Variants in TNS1 observed in about 807,000 individuals in gnomAD.
TNS1 encodes tensin-1.
In TNS1, 62 loss-of-function variants were observed where a neutral mutation model predicts 168.6. The observed-to-expected ratio is 0.37, with a 90% CI of 0.30 to 0.45. TNS1 has a LOEUF of 0.45. Among genes scored for constraint, TNS1 ranks in the 20% least tolerant of loss-of-function variants. TNS1 has a pLI of 1.00. For synonymous variants in TNS1, 934 were observed against 933.2 expected (o/e 1.00, Z -0.02); for missense variants, 2,240 against 2,339.4 (o/e 0.96, Z 0.88).
chr2:217,861,367 C>T (rs1948768974), intron 18 of TNS1, among the ~76,000 whole-genome samples: 2 of 152,180 alleles, frequency 1.3e-5, no homozygotes, highest in African/African-American at 4.8e-5. Flanking sequence ...CTGAGCCTGA[C>T]ATACTTTCTG....
chr2:217,941,502 C>T (rs1956909701), intron 3 of TNS1, among the ~76,000 whole-genome samples: 1 of 152,206 alleles, frequency 6.6e-6, no homozygotes, highest in Non-Finnish European at 1.5e-5. Context: ...GGCAGAGCGT[C>T]GGGCTCTTGG....
rs1292840512 is a variant in TNS1 at position 217,944,730 on chromosome 2, A to T, written c.187-24494T>A. The stretch of plus-strand genomic sequence containing the variant: ...CATGCTTCAACTCTCTTTGAAATGG[A>T]TCAAAAAATAAGATGGATTGGCAGA... On this transcript the variant is annotated intron_variant, in intron 3 of 32. Transcript: ENST00000682258. 2.0e-5 allele frequency among the ~76,000 whole-genome samples: 3 copies of T among 152,218 alleles called. No homozygotes were observed. In the East Asian group the frequency reaches 5.8e-4, roughly 29 times the overall value.
chr2:217,817,642 C>A, intron 24 of TNS1, 48 bp downstream of exon 24: 1 of 1,467,622 alleles, frequency 6.8e-7, no homozygotes, highest in Non-Finnish European at 9.3e-7. Flanking sequence ...CACTCTTCTA[C>A]TTACTTCATC....
At chr2:218,009,501 G>T (rs559401187) in intron 1 of TNS1, among the ~76,000 whole-genome samples, 2 of 151,702 alleles carry the variant, frequency 1.3e-5, no homozygotes, top group Non-Finnish European at 2.9e-5. Context: ...AGGTTCCCCA[G>T]ACCCCTGCTC....
intron 18 of TNS1, among the ~76,000 whole-genome samples, chr2:217,863,372 A>C (rs1948972120): frequency 6.6e-6 from 1 of 152,140 alleles, no homozygotes; most frequent in African/African-American, 2.4e-5. Context: ...ACCTGGAGGA[A>C]ATACTACTGG....
chr2:217,825,083 T>C (rs1315727409), intron 22 of TNS1, among the ~76,000 whole-genome samples: 3 of 152,180 alleles, frequency 2.0e-5, no homozygotes, highest in African/African-American at 7.2e-5. Context: ...TTGAAACCTA[T>C]GTGAATGACA....
chr2:217,837,043 G>A (rs1408728488), intron 19 of TNS1, among the ~76,000 whole-genome samples: 2 of 152,038 alleles, frequency 1.3e-5, no homozygotes, highest in Admixed American at 6.5e-5. Context: ...TTGCCTCATT[G>A]AGCTGGCTCC....
intron 10 of TNS1, 145 bp from the exon 11 acceptor site, chr2:217,893,157 CA>C (rs968581653): frequency 8.2e-6 from 9 of 1,103,946 alleles, no homozygotes; most frequent in Non-Finnish European, 1.0e-5. Flanking sequence ...AAGGGGGCCT[CA>C]GGGGAGGGAG....
At chr2:218,023,370 G>C (rs894495811) in intron 1 of TNS1, among the ~76,000 whole-genome samples, 1 of 152,116 alleles carries the variant, frequency 6.6e-6, no homozygotes, top group Non-Finnish European at 1.5e-5. Flanking sequence ...GCCGGCTCAG[G>C]TCCCCCTTCA....
chr2:217,900,207 G>A (rs868854022), intron 7 of TNS1, among the ~76,000 whole-genome samples: 1 of 152,202 alleles, frequency 6.6e-6, no homozygotes. Context: ...GTACCTTGCG[G>A]GGTTGTTGCA....
chr2:217,928,914 A>G (rs907710455), intron 3 of TNS1, among the ~76,000 whole-genome samples: 5 of 149,656 alleles, frequency 3.3e-5, no homozygotes, highest in African/African-American at 1.2e-4. Context: ...TCAGACAAGA[A>G]CCTCCCCACC....
chr2:217,900,542 T>G lies in TNS1; in HGVS notation c.322-30A>C, dbSNP rs1313102743. The G allele has an allele frequency of 3.3e-6, 5 of 1,534,906 alleles. No homozygotes were observed. The African/African-American group carries it at 5.5e-5, about 17-fold the overall frequency. On this transcript the variant is annotated intron_variant, in intron 6 of 32. Coordinates refer to ENST00000682258, the MANE Select transcript of TNS1 (RefSeq NM_001387777.1). ...GAAGGAGAGAAGAGAAGCAGCATTA[T>G]GCAGGGGTGGGCAGGATGGCAGGAG...
intron 1 of TNS1, among the ~76,000 whole-genome samples, chr2:218,018,311 T>C (rs1181670614): frequency 6.6e-6 from 1 of 152,214 alleles, no homozygotes; most frequent in Non-Finnish European, 1.5e-5. Context: ...CATGCTCTTC[T>C]TCTAAACTCC....
chr2:217,935,311 C>G (rs971965592), intron 3 of TNS1, among the ~76,000 whole-genome samples: 8 of 152,260 alleles, frequency 5.3e-5, no homozygotes, highest in African/African-American at 1.9e-4. Flanking sequence ...GGACTGCAGG[C>G]CCTCCGGAGG....
At chr2:217,947,670 G>A (rs1321022656) in intron 3 of TNS1, among the ~76,000 whole-genome samples, 4 of 152,116 alleles carry the variant, frequency 2.6e-5, no homozygotes, top group East Asian at 1.9e-4. Flanking sequence ...GGGGACAAAG[G>A]ACACAGAGAA....
Position 217,890,640 on chromosome 2 carries a change from C to T in TNS1, c.866+322G>A, listed in dbSNP as rs577290293. The T allele has an allele frequency of 1.4e-4, 53 of 381,170 alleles. No homozygotes were observed. The East Asian group carries it at 2.4e-3, about 17-fold the overall frequency. 23.6% of individuals were successfully genotyped at this position (381,170 alleles called of 1,614,324 possible). The stretch of plus-strand genomic sequence containing the variant: ...CCAAGCACTGAAGCAATCCTGCTTC[C>T]AGGGCCAAGAACAGCACATGCCTTC... On this transcript the variant is annotated intron_variant, in intron 12 of 32. Transcript: ENST00000682258.
chr2:217,936,721 G>C (rs533645804), intron 3 of TNS1, among the ~76,000 whole-genome samples: 12 of 151,918 alleles, frequency 7.9e-5, no homozygotes, highest in Non-Finnish European at 1.5e-4. Flanking sequence ...CCCCCATCTT[G>C]AGCCCCAAGC....
chr2:217,831,457 C>T lies in TNS1; in HGVS notation c.3371G>A (p.Gly1124Glu). ...NPADILLHPT[G>E]EPRSYVESVA... Reference sequence around the variant, plus strand: ...CATCTTCCCTCTTCCCAACTCACCTCCTGTGGGGTGCAACAGGATGTCCGC... The same window carrying T: ...CATCTTCCCTCTTCCCAACTCACCTTCTGTGGGGTGCAACAGGATGTCCGC... The change falls in exon 22 of 33, where the codon GGA becomes GAA. Residue 1124 changes from glycine to glutamate, a missense_variant and splice_region_variant. Around this residue, in one of 2 missense-constraint regions of TNS1, gnomAD observed 2,131 missense variants for 2,171.2 expected, o/e 0.98. Coordinates refer to ENST00000682258, the MANE Select transcript of TNS1 (RefSeq NM_001387777.1). 6.3e-7 allele frequency: 1 copy of T among 1,582,232 alleles called. No individual in the cohort carries two copies. Among genetic ancestry groups the T allele is most frequent in the Non-Finnish European group, 8.6e-7 (1 of 1,164,216 alleles).
rs199857017 is a variant in TNS1 at position 217,885,030 on chromosome 2, C to T, written c.1246+5G>A. On this transcript the variant is annotated splice_donor_5th_base_variant and intron_variant, in intron 16 of 32. Transcript: ENST00000682258. ...CCCACCCCCAGCTCCACTCAAGGAGCGCACCTTTGAAAGCATCATCAAGGT... is the reference window on the plus strand; with the variant it reads ...CCCACCCCCAGCTCCACTCAAGGAGTGCACCTTTGAAAGCATCATCAAGGT... 26 of 1,614,166 alleles carry T rather than the reference C, an allele frequency of 1.6e-5. No homozygotes were observed. The highest frequency in any genetic ancestry group is 1.1e-4 in the African/African-American group (8 of 75,070).
Sources: allele counts gnomAD v4.1 joint callset (sites outside exome capture counted in the v4.1 genomes callset), GRCh38; gene constraint gnomAD v4.1.1; regional missense constraint gnomAD v4.1.1; transcripts MANE v1.5; gene names NCBI Gene and HGNC (gene_info 2026-07-23, HGNC 2026-07-21).